Variants in SERINC3 observed in about 807,000 individuals in gnomAD.
The protein encoded by SERINC3 is tumor differentially expressed protein 1.
A neutral mutation model predicts 52.1 loss-of-function variants in SERINC3; 22 were observed. That is an observed-to-expected ratio of 0.42 (90% CI 0.30 to 0.60). The LOEUF (loss-of-function observed/expected upper bound fraction) is 0.60. Ranked by LOEUF, SERINC3 falls within the 20% of genes least tolerant of loss-of-function variation. The probability of loss-of-function intolerance (pLI) is 0.16; values close to 1 mark genes in which losing one functional copy is unlikely to be tolerated. For synonymous variants in SERINC3, 226 were observed against 212.7 expected (o/e 1.06, Z -0.54); for missense variants, 564 against 584.6 (o/e 0.96, Z 0.36).
intron 3 of SERINC3, among the ~76,000 whole-genome samples, chr20:44,512,358 A>T (rs1489930951): frequency 6.6e-6 from 1 of 152,020 alleles, no homozygotes; most frequent in Non-Finnish European, 1.5e-5. Context: ...GAGAATTAGA[A>T]ACATAGGTAA....
At chr20:44,514,292 C>T (rs907826297) in intron 1 of SERINC3, among the ~76,000 whole-genome samples, 3 of 152,096 alleles carry the variant, frequency 2.0e-5, no homozygotes, top group African/African-American at 7.2e-5. Flanking sequence ...AATTTTCCTC[C>T]CTCAGACTCT....
At chr20:44,518,578 T>C (rs916469418) in intron 1 of SERINC3, among the ~76,000 whole-genome samples, 1 of 152,202 alleles carries the variant, frequency 6.6e-6, no homozygotes, top group Admixed American at 6.5e-5. Flanking sequence ...ACGTATTTCC[T>C]ATTTATTCTC....
chr20:44,513,394 G>C (rs947093528), intron 2 of SERINC3, among the ~76,000 whole-genome samples: 1 of 152,146 alleles, frequency 6.6e-6, no homozygotes, highest in African/African-American at 2.4e-5. Flanking sequence ...GCTGAGGCAG[G>C]AGAATTGCTT....
rs2064364713 is a variant in SERINC3 at position 44,513,997 on chromosome 20, C to T, written c.83G>A (p.Cys28Tyr). The T allele has an allele frequency of 6.2e-7, 1 of 1,613,988 alleles. No homozygotes were observed. Among genetic ancestry groups the T allele is most frequent in the South Asian group, 1.1e-5 (1 of 91,082 alleles). Residue 28 changes from cysteine (C) to tyrosine (Y), a missense_variant, in exon 2 of 10, where the codon TGC (cysteine) becomes TAC (tyrosine). Coordinates refer to ENST00000342374, the MANE Select transcript of SERINC3 (RefSeq NM_006811.4). ...CSGASCLLCS[C>Y]CPNSKNSTVT... ...CGTGGAATTCTTACTGTTAGGACAG[C>T]AACTACACAGCAAACATGAGGCACC...
In SERINC3 at chr20:44,506,937, A is replaced by G. The variant is rs1206571288; in HGVS notation, c.673T>C (p.Tyr225His). Residue 225 changes from tyrosine to histidine, a missense_variant, in exon 6 of 10, where the codon TAT becomes CAT. Tyr to His is a moderately conservative substitution (Grantham distance 83, BLOSUM62 2). Transcript: ENST00000342374. The stretch of plus-strand genomic sequence containing the variant: ...CCATCTGGTTTGGTGTAATATGTAT[A>G]GAGCAGCCCGACACAGATGATTGAC... ...ILSIICVGLL[Y>H]TYYTKPDGCT... 8.7e-6 allele frequency: 14 copies of G among 1,613,200 alleles called. No homozygotes were observed. The highest frequency in any genetic ancestry group is 1.2e-5 in the Non-Finnish European group (14 of 1,179,652).
rs1050199750 is a variant in SERINC3, at chr20:44,514,124, C to A, written c.40-84G>T. Reference sequence around the variant, plus strand: ...AGATGTCGCAGAAGAGAAAGCGAGGCAAATCAGGCTTTATAGTTTTAACTC... The same window carrying A: ...AGATGTCGCAGAAGAGAAAGCGAGGAAAATCAGGCTTTATAGTTTTAACTC... On this transcript the variant is annotated intron_variant, in intron 1 of 9. Coordinates refer to ENST00000342374, the MANE Select transcript of SERINC3 (RefSeq NM_006811.4). 7.8e-6 allele frequency: 11 copies of A among 1,407,102 alleles called. No individual in the cohort carries two copies. The South Asian group carries it at 1.0e-4, about 13-fold the overall frequency. The allele number at this position is 1,407,102 out of a possible 1,614,324, so 87.2% of individuals were successfully genotyped here.
intron 6 of SERINC3, 135 bp from the exon 7 acceptor site, chr20:44,505,026 G>T: frequency 3.3e-6 from 2 of 603,408 alleles, no homozygotes; most frequent in Non-Finnish European, 3.0e-6. Flanking sequence ...GTTGAAAGGT[G>T]ACAAGTAACC....
At chr20:44,514,778 T>A (rs1291387350) in intron 1 of SERINC3, among the ~76,000 whole-genome samples, 1 of 151,398 alleles carries the variant, frequency 6.6e-6, no homozygotes, top group East Asian at 1.9e-4. Flanking sequence ...TAAAATAAAA[T>A]AAAAAAATAA....
chr20:44,517,815 A>G (rs760795464), intron 1 of SERINC3, among the ~76,000 whole-genome samples: 4 of 152,196 alleles, frequency 2.6e-5, no homozygotes, highest in African/African-American at 4.8e-5. Context: ...CTCGAAGGGG[A>G]GACTATCTTT....
intron 7 of SERINC3, 42 bp from the exon 8 acceptor site, chr20:44,504,037 T>C: frequency 6.6e-7 from 1 of 1,516,528 alleles, no homozygotes; most frequent in Non-Finnish European, 8.8e-7. Context: ...TTACAGCTCA[T>C]CTTGTTCCAA....
downstream of SERINC3, chr20:44,496,429 G>A (rs142290004): frequency 3.6e-3 from 549 of 152,442 alleles, 2 homozygotes; most frequent in Non-Finnish European, 6.5e-3. Context: ...ATAAGCATAA[G>A]CCTACTATCT....
rs771572222 is a variant in SERINC3 at position 44,521,897 on chromosome 20, G to C, written c.39+16C>G. 6.1e-5 allele frequency: 98 copies of C among 1,605,412 alleles called. No homozygotes were observed. Among genetic ancestry groups the C allele is most frequent in the Middle Eastern group, 5.5e-4 (3 of 5,476 alleles). ...CAAACCGCAGGTCCGGCGAGGACTC[G>C]GGACCCCGAACTCACCCAGCTGGCG... On this transcript the variant is annotated intron_variant, in intron 1 of 9. Coordinates refer to ENST00000342374, the MANE Select transcript of SERINC3 (RefSeq NM_006811.4).
downstream of SERINC3, among the ~76,000 whole-genome samples, chr20:44,496,668 C>T (rs1270211059): frequency 2.0e-5 from 3 of 152,048 alleles, no homozygotes; most frequent in Admixed American, 6.5e-5. Context: ...GTGGCGCGCA[C>T]CTATAGTCCC....
chr20:44,508,100 T>C (rs1382950007), intron 5 of SERINC3, among the ~76,000 whole-genome samples: 1 of 152,228 alleles, frequency 6.6e-6, no homozygotes, highest in African/African-American at 2.4e-5. Context: ...CCTCTGAATA[T>C]ACAAGATTTT....
chr20:44,517,081 C>T (rs1212919578), intron 1 of SERINC3, among the ~76,000 whole-genome samples: 2 of 151,982 alleles, frequency 1.3e-5, no homozygotes, highest in Admixed American at 6.6e-5. Context: ...CAGCAGGGTG[C>T]TAACATTCTA....
intron 6 of SERINC3, among the ~76,000 whole-genome samples, chr20:44,505,662 A>G (rs945700946): frequency 2.7e-5 from 4 of 149,150 alleles, no homozygotes; most frequent in Admixed American, 2.0e-4. Flanking sequence ...GCAATGGCGC[A>G]ATCTCAGCTC....
chr20:44,511,006 C>G (rs1323639262), intron 4 of SERINC3, among the ~76,000 whole-genome samples: 2 of 152,012 alleles, frequency 1.3e-5, no homozygotes, highest in African/African-American at 2.4e-5. Context: ...CTCTGCCTCC[C>G]AGGTTCAGGC....
chr20:44,513,244 G>C (rs866144548), intron 2 of SERINC3, among the ~76,000 whole-genome samples: 24 of 152,058 alleles, frequency 1.6e-4, no homozygotes, highest in African/African-American at 4.8e-4. Flanking sequence ...CCAGTATTTT[G>C]GGGGACCGAG....
chr20:44,499,835 C>T lies in SERINC3; in HGVS notation c.*461G>A, dbSNP rs1339663693. 6.6e-6 allele frequency: 1 copy of T among 152,442 alleles called. No individual in the cohort carries two copies. Among genetic ancestry groups the T allele is most frequent in the African/African-American group, 2.4e-5 (1 of 41,318 alleles). 9.4% of individuals were successfully genotyped at this position (152,442 alleles called of 1,614,324 possible). A position where few individuals can be genotyped will look rare whatever the true frequency, so the allele number is the denominator to read the frequency against. ...GCTACCCCGCTGAAGAGTTTAAGCA[C>T]AAAACACAGTGCTTGTATCATATAA... On this transcript the variant is annotated 3_prime_UTR_variant, in exon 10 of 10. Transcript: ENST00000342374.
Sources: allele counts gnomAD v4.1 joint callset (sites outside exome capture counted in the v4.1 genomes callset), GRCh38; gene constraint gnomAD v4.1.1; transcripts MANE v1.5; gene names NCBI Gene and HGNC (gene_info 2026-07-23, HGNC 2026-07-21).